Variants in ELFN1 observed in about 807,000 individuals in gnomAD.
ELFN1 encodes the protein protein ELFN1.
ELFN1 carries 6 observed loss-of-function variants against 7.6 expected under a neutral mutation model. The ratio of observed to expected loss-of-function variants is 0.79; its 90% CI spans 0.43 to 1.56. ELFN1 has a LOEUF of 1.56. Among genes scored for constraint, ELFN1 ranks in the 40% most tolerant of loss-of-function variants. ELFN1 has a pLI of 0.01. For synonymous variants in ELFN1, 657 were observed against 588.1 expected, an observed-to-expected ratio of 1.12 and a Z score of -1.70; for missense variants, 1,169 against 1,232.2, an observed-to-expected ratio of 0.95 and a Z score of 0.77.
chr7:1,727,054 C>T (rs926170892), intron 3 of ELFN1, among the ~76,000 whole-genome samples: 2 of 152,172 alleles, frequency 1.3e-5, no homozygotes, highest in East Asian at 3.8e-4. Flanking sequence ...GATTCCATCA[C>T]GCGTGTTCTC....
rs927306010 is a variant in ELFN1, at chr7:1,746,147, C to T, written c.1551C>T (p.Thr517=). The change falls in exon 4 of 4, where the codon ACC becomes ACT. Residue 517 remains threonine (T), a synonymous_variant. Coordinates refer to ENST00000424383, the MANE Select transcript of ELFN1 (RefSeq NM_001128636.4). The stretch of plus-strand genomic sequence containing the variant: ...ACAAGCTGGTGGAGAGCGCGGACAC[C>T]CCCAAGGCCAGCAAGGGCAGCTACA... ...EQYKLVESAD[T]PKASKGSYME... is the part of the protein sequence containing the mutation. 4 of 1,548,986 alleles carry T rather than the reference C, an allele frequency of 2.6e-6. No homozygotes were observed. In the African/African-American group the frequency reaches 4.1e-5, roughly 16 times the overall value.
Position 1,739,768 on chromosome 7 carries a change from G to A in ELFN1, c.-293-4536G>A, listed in dbSNP as rs1317723465. ...AGCAAGACAAAAATGGGCCCTGGCAGGGCAGAGGTCACCGGTGGCCTTGGT... is the reference window on the plus strand; with the variant it reads ...AGCAAGACAAAAATGGGCCCTGGCAAGGCAGAGGTCACCGGTGGCCTTGGT... On this transcript the variant is annotated intron_variant, in intron 3 of 3. Coordinates refer to ENST00000424383, the MANE Select transcript of ELFN1 (RefSeq NM_001128636.4). The surrounding 1 kb of genome is among the most constrained non-coding windows in gnomAD (Gnocchi z 4.6). Among the ~76,000 whole-genome samples the A allele has an allele frequency of 6.6e-6, 1 of 152,214 alleles. No homozygotes were observed. Among genetic ancestry groups the A allele is most frequent in the African/African-American group, 2.4e-5 (1 of 41,454 alleles).
At chr7:1,701,107 A>T (rs76516415) in intron 2 of ELFN1, among the ~76,000 whole-genome samples, 1 of 151,022 alleles carries the variant, frequency 6.6e-6, no homozygotes, top group Non-Finnish European at 1.5e-5. Flanking sequence ...GTGTGCGCAT[A>T]TGTGTGCGTA....
rs1778811823 is a variant in ELFN1 at position 1,673,689 on chromosome 7, C to T, written c.-549+3335C>T. ...CCAGAGGAGCCTGGCTGCCTTGGAG[C>T]TGGCATCCCCAGATGGAAAGACAAT... On this transcript the variant is annotated intron_variant, in intron 1 of 3. Transcript: ENST00000424383. The surrounding 1 kb of genome is among the most constrained non-coding windows in gnomAD (Gnocchi z 4.7). 6.6e-6 allele frequency among the ~76,000 whole-genome samples: 1 copy of T among 152,222 alleles called. No individual in the cohort carries two copies. The highest frequency in any genetic ancestry group is 2.4e-5 in the African/African-American group (1 of 41,452).
intron 1 of ELFN1, among the ~76,000 whole-genome samples, chr7:1,684,024 C>T (rs1583315546): frequency 1.3e-5 from 2 of 152,182 alleles, no homozygotes; most frequent in East Asian, 3.9e-4. Flanking sequence ...GTTGTGCACA[C>T]CTGTAGTCCT....
Position 1,723,288 on chromosome 7 carries a change from G to A in ELFN1, c.-294+14036G>A, listed in dbSNP as rs555753094. Among the ~76,000 whole-genome samples the A allele has an allele frequency of 7.2e-5, 11 of 152,278 alleles. No homozygotes were observed. The South Asian group carries it at 2.1e-3, about 29-fold the overall frequency. On this transcript the variant is annotated intron_variant, in intron 3 of 3. Coordinates refer to ENST00000424383, the MANE Select transcript of ELFN1 (RefSeq NM_001128636.4). The stretch of plus-strand genomic sequence containing the variant: ...GTTCAGTGGTGTTCAGTGGATTTGC[G>A]GTGTTGTGCGACAGACCTCCACAAC...
chr7:1,671,737 C>A (rs1210699261), intron 1 of ELFN1, among the ~76,000 whole-genome samples: 3 of 152,236 alleles, frequency 2.0e-5, no homozygotes, highest in Non-Finnish European at 4.4e-5. Context: ...GGGTCCCTGC[C>A]CCTGCCACCT....
intron 1 of ELFN1, among the ~76,000 whole-genome samples, chr7:1,682,320 C>T (rs1317498094): frequency 6.6e-6 from 1 of 152,154 alleles, no homozygotes; most frequent in Admixed American, 6.5e-5. Flanking sequence ...TTGCTGTATA[C>T]ATGTTTTTGA....
chr7:1,685,395 T>A (rs1359629620), intron 1 of ELFN1, among the ~76,000 whole-genome samples: 1 of 152,220 alleles, frequency 6.6e-6, no homozygotes, highest in Admixed American at 6.5e-5. Context: ...CAAATCTTAT[T>A]CCTGTGTCTT....
intron 1 of ELFN1, among the ~76,000 whole-genome samples, chr7:1,681,111 G>A (rs904675448): frequency 5.3e-5 from 8 of 152,186 alleles, no homozygotes; most frequent in African/African-American, 1.9e-4. Context: ...AGTCTTCTGT[G>A]GCTGGATTCT....
upstream of ELFN1, among the ~76,000 whole-genome samples, chr7:1,669,923 G>C (rs928137594): frequency 6.7e-6 from 1 of 150,198 alleles, no homozygotes; most frequent in Non-Finnish European, 1.5e-5. Flanking sequence ...GGCCGGGGAC[G>C]GACCGCGAGG....
At chr7:1,672,970 C>T (rs970255128) in intron 1 of ELFN1, among the ~76,000 whole-genome samples, 11 of 152,020 alleles carry the variant, frequency 7.2e-5, no homozygotes, top group African/African-American at 1.2e-4. Context: ...GAGTGACAGG[C>T]GAGAGATAGA....
At chr7:1,726,298 C>T (rs1258943133) in intron 3 of ELFN1, among the ~76,000 whole-genome samples, 1 of 152,246 alleles carries the variant, frequency 6.6e-6, no homozygotes, top group East Asian at 1.9e-4. Flanking sequence ...CCGAGAGCCG[C>T]AGCCCTGCCT....
chr7:1,672,553 T>C (rs1778787235), intron 1 of ELFN1, among the ~76,000 whole-genome samples: 3 of 152,178 alleles, frequency 2.0e-5, no homozygotes, highest in Admixed American at 1.3e-4. Context: ...ATGACCACAG[T>C]GCCTGAGATC....
Position 1,746,231 on chromosome 7 carries a change from C to T in ELFN1, c.1635C>T (p.Gly545=). 6.4e-7 allele frequency: 1 copy of T among 1,557,078 alleles called. No homozygotes were observed. Among genetic ancestry groups the T allele is most frequent in the Non-Finnish European group, 8.7e-7 (1 of 1,153,042 alleles). ...GGGACTGTGAGCTGGGCCGGCCGGG[C>T]CCCGACAGCCAGAGTTCGGTGGCCG... The part of the protein sequence containing the change: ...ERRDCELGRP[G]PDSQSSVAEI... Residue 545 remains glycine, a synonymous_variant, in exon 4 of 4, where the codon GGC becomes GGT. Coordinates refer to ENST00000424383, the MANE Select transcript of ELFN1 (RefSeq NM_001128636.4).
chr7:1,707,569 C>A (rs75993785), intron 2 of ELFN1, among the ~76,000 whole-genome samples: 15,647 of 152,252 alleles, frequency 0.1, 841 homozygotes, highest in South Asian at 0.14. Flanking sequence ...GACGGCAGGG[C>A]GGCTCACAGA....
At position 1,693,345 on chromosome 7, in the gene ELFN1, C is replaced by A. The variant is rs569597821; in HGVS notation, c.-456+5195C>A. ...GCCCGATTCCAAGAGTCTGGGCAGGCGTGGGCTTGGACTGCCCAGTGTGCC... is the reference window on the plus strand; with the variant it reads ...GCCCGATTCCAAGAGTCTGGGCAGGAGTGGGCTTGGACTGCCCAGTGTGCC... On this transcript the variant is annotated intron_variant, in intron 2 of 3. Transcript: ENST00000424383. 4.6e-3 allele frequency: 2,137 copies of A among 463,114 alleles called. 15 individuals are homozygous for A. The highest frequency in any genetic ancestry group is 5.5e-3 in the Non-Finnish European group (1,211 of 220,240). The allele number at this position is 463,114 out of a possible 1,614,324, so 28.7% of individuals were successfully genotyped here.
At chr7:1,727,223 G>A (rs948858485) in intron 3 of ELFN1, among the ~76,000 whole-genome samples, 1 of 152,226 alleles carries the variant, frequency 6.6e-6, no homozygotes, top group South Asian at 2.1e-4. Context: ...TGGAGATGGT[G>A]AGTGTGAGTC....
chr7:1,698,491 A>C (rs572431928), intron 2 of ELFN1, among the ~76,000 whole-genome samples: 1 of 152,110 alleles, frequency 6.6e-6, no homozygotes, highest in African/African-American at 2.4e-5. Flanking sequence ...TTTTTTTACA[A>C]CATATAAAAC....
Sources: allele counts gnomAD v4.1 joint callset (sites outside exome capture counted in the v4.1 genomes callset), GRCh38; gene constraint gnomAD v4.1.1; non-coding constraint Gnocchi (gnomAD v3.1); transcripts MANE v1.5; gene names NCBI Gene and HGNC (gene_info 2026-07-23, HGNC 2026-07-21).